PTPRJ: variants seen among roughly 807,000 people sequenced by gnomAD.
The protein encoded by PTPRJ is protein tyrosine phosphatase receptor type J, also known as receptor-type tyrosine-protein phosphatase eta.
PTPRJ carries 129 observed loss-of-function variants against 141.3 expected under a neutral mutation model. The ratio of observed to expected loss-of-function variants is 0.91; its 90% CI spans 0.79 to 1.06. The LOEUF is 1.06. Ranked by LOEUF, PTPRJ falls within the 50% of genes least tolerant of loss-of-function variation. The probability of loss-of-function intolerance (pLI) is 0.00; values close to 1 mark genes in which losing one functional copy is unlikely to be tolerated. For missense variants in PTPRJ, 1,601 were observed against 1,679.7 expected, an observed-to-expected ratio of 0.95 and a Z score of 0.82; for synonymous variants, 610 against 640.5, an observed-to-expected ratio of 0.95 and a Z score of 0.72.
intron 23 of PTPRJ, 146 bp downstream of exon 23, chr11:48,163,764 CT>C: frequency 9.8e-7 from 1 of 1,019,658 alleles, no homozygotes. Flanking sequence ...GACTTACTCC[CT>C]AAGCCCTGAG....
At chr11:48,118,754 A>T (rs1856629053) in intron 3 of PTPRJ, among the ~76,000 whole-genome samples, 1 of 152,230 alleles carries the variant, frequency 6.6e-6, no homozygotes, top group South Asian at 2.1e-4. Context: ...AAATATTGTT[A>T]ACTGTGCTTT....
chr11:48,157,025 C>T (rs1461483432), intron 21 of PTPRJ, among the ~76,000 whole-genome samples: 1 of 151,684 alleles, frequency 6.6e-6, no homozygotes, highest in Non-Finnish European at 1.5e-5. Flanking sequence ...GAGTCTCACT[C>T]TGTCGCCAGG....
intron 1 of PTPRJ, among the ~76,000 whole-genome samples, chr11:48,018,281 G>T (rs1227859919): frequency 1.3e-5 from 2 of 151,272 alleles, no homozygotes; most frequent in African/African-American, 4.9e-5. Context: ...CCAATTTGTG[G>T]AGAGTCCATT....
At chr11:47,993,685 C>CCT (rs986281146) in intron 1 of PTPRJ, among the ~76,000 whole-genome samples, 13 of 152,140 alleles carry the variant, frequency 8.5e-5, no homozygotes, top group African/African-American at 2.9e-4. Context: ...TCAGCTCAGC[C>CCT]CTGCCTGACC....
At chr11:48,033,498 G>A (rs1433487776) in intron 1 of PTPRJ, among the ~76,000 whole-genome samples, 1 of 152,170 alleles carries the variant, frequency 6.6e-6, no homozygotes, top group Non-Finnish European at 1.5e-5. Context: ...TCCAGGCTCA[G>A]CGGATGTTCC....
intron 1 of PTPRJ, among the ~76,000 whole-genome samples, chr11:48,008,207 C>G (rs1854676286): frequency 6.6e-6 from 1 of 152,172 alleles, no homozygotes; most frequent in African/African-American, 2.4e-5. Context: ...TGCGTGGACC[C>G]TTAGGCTGAG....
chr11:48,004,879 C>T (rs1217741921), intron 1 of PTPRJ, among the ~76,000 whole-genome samples: 4 of 152,022 alleles, frequency 2.6e-5, no homozygotes, highest in Non-Finnish European at 5.9e-5. Context: ...AAAATACCAG[C>T]TTTGTTGAGA....
intron 3 of PTPRJ, among the ~76,000 whole-genome samples, chr11:48,119,179 T>A (rs1856643513): frequency 6.6e-6 from 1 of 152,138 alleles, no homozygotes; most frequent in Non-Finnish European, 1.5e-5. Flanking sequence ...TAACTGATGT[T>A]GTTTCATCAT....
At position 47,999,863 on chromosome 11, in the gene PTPRJ, CTT is replaced by C. The variant is rs1209647054; in HGVS notation, c.96+18865_96+18866del. ...CTTTTACTTTCATGCCGAGATTCTT[CTT>C]TTTTTTTTTGAGTCAGAGTCTCGCT... On this transcript the variant is annotated intron_variant, in intron 1 of 24. Transcript: ENST00000418331. Among the ~76,000 whole-genome samples, 121 of 136,252 alleles carry C rather than the reference CTT, an allele frequency of 8.9e-4. 2 individuals are homozygous for C. The highest frequency in any genetic ancestry group is 3.5e-3 in the African/African-American group (117 of 33,534). The allele number at this position is 136,252 out of a possible 152,430, so 89.4% of individuals were successfully genotyped here. A position where few individuals can be genotyped will look rare whatever the true frequency, so the allele number is the denominator to read the frequency against.
At chr11:48,042,619 C>G (rs1400221558) in intron 1 of PTPRJ, among the ~76,000 whole-genome samples, 1 of 152,112 alleles carries the variant, frequency 6.6e-6, no homozygotes, top group African/African-American at 2.4e-5. Context: ...CTCTTCTAAA[C>G]CAAAACAGTG....
At chr11:47,991,033 T>C (rs575230940) in intron 1 of PTPRJ, among the ~76,000 whole-genome samples, 42 of 152,152 alleles carry the variant, frequency 2.8e-4, no homozygotes, top group African/African-American at 1.0e-3. Flanking sequence ...TGAAACCTCT[T>C]ATATTGGGTT....
chr11:48,026,701 G>A (rs1465555077), intron 1 of PTPRJ, among the ~76,000 whole-genome samples: 1 of 152,008 alleles, frequency 6.6e-6, no homozygotes, highest in African/African-American at 2.4e-5. Flanking sequence ...GCCTGCCTTA[G>A]CCTCCCAAAG....
intron 1 of PTPRJ, among the ~76,000 whole-genome samples, chr11:48,103,501 C>G (rs996232856): frequency 4.6e-5 from 7 of 152,124 alleles, no homozygotes; most frequent in African/African-American, 1.7e-4. Context: ...AAAAACAAAA[C>G]AAACCAAAAA....
chr11:48,074,592 A>G (rs148817589), intron 1 of PTPRJ, among the ~76,000 whole-genome samples: 26 of 152,342 alleles, frequency 1.7e-4, no homozygotes, highest in Non-Finnish European at 3.5e-4. Context: ...TTTCTCCTGT[A>G]ACCCAGAGGG....
In PTPRJ at chr11:48,149,454, GC is replaced by G; in HGVS notation, c.3008del (p.Ala1003GlufsTer18). 6.6e-7 allele frequency: 1 copy of G among 1,517,780 alleles called. No homozygotes were observed. The highest frequency in any genetic ancestry group is 9.0e-7 in the Non-Finnish European group (1 of 1,106,946). The allele number at this position is 1,517,780 out of a possible 1,614,324, so 94.0% of individuals were successfully genotyped here. On this transcript the variant is annotated frameshift_variant, in exon 16 of 25. Coordinates refer to ENST00000418331, the MANE Select transcript of PTPRJ (RefSeq NM_002843.4). LOFTEE classifies it high-confidence loss of function. ...FIFWRKKRKD[A>X]KNNEVSFSQI... ...TCTTTTCTCTTAAAACAGGAAAGATGCAAAGAATAATGAAGTGTCCTTTTCT... is the reference window on the plus strand; with the variant it reads ...TCTTTTCTCTTAAAACAGGAAAGATGAAAGAATAATGAAGTGTCCTTTTCT...
intron 1 of PTPRJ, among the ~76,000 whole-genome samples, chr11:48,050,328 C>T (rs1854531742): frequency 6.6e-6 from 1 of 151,960 alleles, no homozygotes; most frequent in South Asian, 2.1e-4. Context: ...ATACCCCTGG[C>T]CCCCACATAT....
intron 1 of PTPRJ, among the ~76,000 whole-genome samples, chr11:48,011,837 A>T (rs1854799706): frequency 6.6e-6 from 1 of 151,998 alleles, no homozygotes; most frequent in South Asian, 2.1e-4. Context: ...AATTAAAAAC[A>T]TTTTTTTGTA....
intron 1 of PTPRJ, among the ~76,000 whole-genome samples, chr11:48,069,362 G>A (rs1855172542): frequency 6.6e-6 from 1 of 151,364 alleles, no homozygotes; most frequent in Non-Finnish European, 1.5e-5. Context: ...GCCTCCCAAA[G>A]TGCTGAGATT....
intron 1 of PTPRJ, among the ~76,000 whole-genome samples, chr11:47,982,374 G>A (rs951776378): frequency 6.6e-6 from 1 of 152,202 alleles, no homozygotes; most frequent in Non-Finnish European, 1.5e-5. Context: ...TCTGCCCAAT[G>A]GAATTGTTTG....
Sources: allele counts gnomAD v4.1 joint callset (sites outside exome capture counted in the v4.1 genomes callset), GRCh38; gene constraint gnomAD v4.1.1; transcripts MANE v1.5; gene names NCBI Gene and HGNC (gene_info 2026-07-23, HGNC 2026-07-21).